GAB3: variants seen among roughly 807,000 people sequenced by gnomAD.
GAB3 encodes GRB2 associated binding protein 3, also known as GRB2-associated-binding protein 3.
GAB3 carries 12 observed loss-of-function variants against 40.4 expected under a neutral mutation model. The observed-to-expected ratio is 0.30, with a 90% CI of 0.19 to 0.48. GAB3 has a LOEUF of 0.48. Ranked by LOEUF, GAB3 falls within the 20% of genes least tolerant of loss-of-function variation. GAB3 has a pLI of 0.99. For missense variants in GAB3, 381 were observed against 461.9 expected (o/e 0.82, Z 1.61); for synonymous variants, 154 against 176.7 (o/e 0.87, Z 1.02).
intron 4 of GAB3, among the ~76,000 whole-genome samples, chrX:154,704,545 A>G (rs1449383396): frequency 9.0e-6 from 1 of 111,626 alleles, no homozygotes; most frequent in Non-Finnish European, 1.9e-5. Context: ...ATAAGAAACT[A>G]TAAAAGCAAG....
At chrX:154,690,290 G>T (rs1459423170) in intron 8 of GAB3, among the ~76,000 whole-genome samples, 1 of 111,947 alleles carries the variant, frequency 8.9e-6, no homozygotes, top group Non-Finnish European at 1.9e-5. Context: ...AGACTTAAGC[G>T]TTAGACCTAA....
chrX:154,713,475 C>T (rs1557256891), intron 2 of GAB3, 49 bp from the exon 3 acceptor site: 1 of 1,053,955 alleles, frequency 9.5e-7, no homozygotes, highest in East Asian at 3.1e-5. Flanking sequence ...CTATAACACG[C>T]ACTCAAAATT....
At chrX:154,700,344 G>C (rs782164796) in intron 4 of GAB3, among the ~76,000 whole-genome samples, 12 of 111,580 alleles carry the variant, frequency 1.1e-4, no homozygotes, top group Non-Finnish European at 2.1e-4. Flanking sequence ...CTGGAGGTTT[G>C]AGGAGAGGAG....
At chrX:154,728,027 G>A (rs1557259539) in intron 1 of GAB3, among the ~76,000 whole-genome samples, 2 of 111,594 alleles carry the variant, frequency 1.8e-5, no homozygotes, top group Admixed American at 1.9e-4. Flanking sequence ...GAAAATCTCT[G>A]AGGCTGTAAA....
At chrX:154,749,883 A>G (rs943307387) in intron 1 of GAB3, among the ~76,000 whole-genome samples, 8 of 112,809 alleles carry the variant, frequency 7.1e-5, no homozygotes, top group African/African-American at 2.6e-4. Context: ...CTTCCACACA[A>G]TATGTGCCTC....
intron 4 of GAB3, among the ~76,000 whole-genome samples, chrX:154,706,503 T>C (rs900385655): frequency 2.7e-5 from 3 of 111,159 alleles, no homozygotes; most frequent in African/African-American, 9.8e-5. Context: ...TTTAATGCAC[T>C]CTCTATCAAA....
Position 154,716,122 on chromosome X carries a change from T to C in GAB3, c.280A>G (p.Thr94Ala). The C allele has an allele frequency of 8.3e-7, 1 of 1,211,868 alleles. No homozygotes were observed. Among genetic ancestry groups the C allele is most frequent in the Non-Finnish European group, 1.1e-6 (1 of 895,309 alleles). The part of the protein sequence containing the change: ...FVFIVKTTSR[T>A]FYLVAKTEQE... ...TCAGTTTTGGCCACCAGGTAGAATG[T>C]ACGGGAAGTAGTCTTGACAATGAAC... Residue 94 changes from threonine to alanine, a missense_variant, in exon 2 of 10, where the codon ACA becomes GCA. By Grantham distance (58) the Thr-to-Ala change is moderately conservative (BLOSUM62 0). Around this residue, in one of 2 missense-constraint regions of GAB3, gnomAD observed 364 missense variants for 421.0 expected, o/e 0.86. Transcript: ENST00000424127.
At chrX:154,728,928 G>A (rs73641109) in intron 1 of GAB3, among the ~76,000 whole-genome samples, 4,031 of 111,898 alleles carry the variant, frequency 0.036, 192 homozygotes, top group African/African-American at 0.12. Flanking sequence ...TCAGTGGTGG[G>A]TACATGACTC....
Position 154,713,361 on chromosome X carries a change from G to A in GAB3, c.442C>T (p.Leu148Phe). 1 of 1,210,619 alleles carries A rather than the reference G, an allele frequency of 8.3e-7. No individual in the cohort carries two copies. Among genetic ancestry groups the A allele is most frequent in the Non-Finnish European group, 1.1e-6 (1 of 895,293 alleles). The change falls in exon 3 of 10, where the codon CTT becomes TTT. Residue 148 changes from leucine (L) to phenylalanine (F), a missense_variant. By Grantham distance (22) the Leu-to-Phe change is conservative (BLOSUM62 0). This residue lies in a region of GAB3 where 364 missense variants were observed against 421.0 expected (regional missense o/e 0.86). Transcript: ENST00000424127. ...SLQPSSASSL[L>F]TAHAASSSLP... ...GAGGAGCTGGCAGCATGGGCGGTAAGAAGGGAGCTGGCAGAGGATGGCTGC... is the reference window on the plus strand; with the variant it reads ...GAGGAGCTGGCAGCATGGGCGGTAAAAAGGGAGCTGGCAGAGGATGGCTGC...
chrX:154,679,482 C>T (rs1055480796), intron 9 of GAB3: 17 of 196,353 alleles, frequency 8.7e-5, no homozygotes, highest in African/African-American at 1.5e-4. Flanking sequence ...GTTTTTGGAA[C>T]GATATTAAAA....
In GAB3 at chrX:154,695,963, A is replaced by C. The variant is rs782445662; in HGVS notation, c.1484T>G (p.Phe495Cys). ...ERNGINSARF[F>C]ANPVSREDEE... Reference sequence around the variant, plus strand: ...GTCTTCTCTGGAAACAGGATTAGCAAAAAATCTTGCAGAATTAATACCATT... The same window carrying C: ...GTCTTCTCTGGAAACAGGATTAGCACAAAATCTTGCAGAATTAATACCATT... Residue 495 changes from phenylalanine (F) to cysteine (C), a missense_variant, in exon 8 of 10, where the codon TTT becomes TGT. Phe to Cys is a radical substitution (Grantham distance 205, BLOSUM62 -2). Coordinates refer to ENST00000424127, the MANE Select transcript of GAB3 (RefSeq NM_001081573.3). 3 of 1,202,470 alleles carry C rather than the reference A, an allele frequency of 2.5e-6. No individual in the cohort carries two copies. In the Admixed American group the frequency reaches 6.5e-5, roughly 26 times the overall value.
chrX:154,697,599 T>C (rs911640775), intron 6 of GAB3, among the ~76,000 whole-genome samples: 3 of 111,951 alleles, frequency 2.7e-5, no homozygotes, highest in Non-Finnish European at 5.6e-5. Flanking sequence ...CAGGCAGAGA[T>C]GATCACCCAG....
intron 1 of GAB3, among the ~76,000 whole-genome samples, chrX:154,748,410 C>T (rs12390914): frequency 9.0e-6 from 1 of 111,430 alleles, no homozygotes; most frequent in East Asian, 2.8e-4. Flanking sequence ...GGGAAGGTAG[C>T]GGGGTAGGGG....
rs2070707023 is a variant in GAB3 at position 154,699,400 on chromosome X, A to C, written c.1239T>G (p.Asp413Glu). The change falls in exon 6 of 10, where the codon GAT (aspartate) becomes GAG (glutamate). Residue 413 changes from aspartate to glutamate, a missense_variant. Asp to Glu is a conservative substitution (Grantham distance 45, BLOSUM62 2). Transcript: ENST00000424127. ...TTCCTGAGTTCATTGGAATGTAGTC[A>C]TCAGGGCTGCAGTGGGGTCCAAGAC... is the stretch of plus-strand genomic sequence containing the variant. ...ASGLGPHCSP[D>E]DYIPMNSGSI... 8.3e-7 allele frequency: 1 copy of C among 1,209,076 alleles called. No homozygotes were observed. The highest frequency in any genetic ancestry group is 1.8e-5 in the African/African-American group (1 of 57,037).
intron 4 of GAB3, among the ~76,000 whole-genome samples, chrX:154,710,084 TA>T (rs2070908465): frequency 9.9e-6 from 1 of 100,955 alleles, no homozygotes; most frequent in Non-Finnish European, 2.1e-5. Context: ...TGCATATGCA[TA>T]TCAAATCATC....
chrX:154,701,490 C>T (rs978764908), intron 4 of GAB3, among the ~76,000 whole-genome samples: 1 of 112,301 alleles, frequency 8.9e-6, no homozygotes, highest in Non-Finnish European at 1.9e-5. Context: ...TATATGACAG[C>T]ATTCATTGCA....
chrX:154,722,268 A>T (rs1420057465), intron 1 of GAB3, among the ~76,000 whole-genome samples: 15 of 111,120 alleles, frequency 1.3e-4, no homozygotes, highest in African/African-American at 4.9e-4. Context: ...AAATATATAA[A>T]AAAAAAACTG....
At chrX:154,723,666 G>A (rs2071169771) in intron 1 of GAB3, among the ~76,000 whole-genome samples, 1 of 111,571 alleles carries the variant, frequency 9.0e-6, no homozygotes, top group African/African-American at 3.3e-5. Context: ...TGCTGGGTAG[G>A]TCATGAGCAG....
rs150783227 is a variant in GAB3 at position 154,687,506 on chromosome X, C to T, written c.1531-7258G>A. 5.0e-3 allele frequency among the ~76,000 whole-genome samples: 537 copies of T among 108,063 alleles called. 5 individuals are homozygous for T. The highest frequency in any genetic ancestry group is 0.012 in the South Asian group (29 of 2,432). 93.8% of individuals were successfully genotyped at this position (108,063 alleles called of 115,157 possible). On this transcript the variant is annotated intron_variant, in intron 8 of 9. Transcript: ENST00000424127. ...AAATTTAGCCAGGTGTGGTGGCGGG[C>T]GCCTGTAGTCCCAGCTACTCAGGAA...
Sources: allele counts gnomAD v4.1 joint callset (sites outside exome capture counted in the v4.1 genomes callset), GRCh38; gene constraint gnomAD v4.1.1; regional missense constraint gnomAD v4.1.1; transcripts MANE v1.5; gene names NCBI Gene and HGNC (gene_info 2026-07-23, HGNC 2026-07-21).